Variants in VCAN observed in about 807,000 individuals in gnomAD.
The protein encoded by VCAN is versican.
Under a neutral mutation model 245.5 loss-of-function variants are expected in VCAN, and 44 were observed. The ratio of observed to expected loss-of-function variants is 0.18; its 90% CI spans 0.14 to 0.23. VCAN has a LOEUF of 0.23. Ranked by LOEUF, VCAN falls within the 10% of genes least tolerant of loss-of-function variation. VCAN has a pLI of 1.00. For missense variants in VCAN, 3,793 were observed against 4,057.9 expected (o/e 0.93, Z 1.77); for synonymous variants, 1,413 against 1,437.0 (o/e 0.98, Z 0.38).
chr5:83,484,668 A>G (rs778461220), intron 2 of VCAN, among the ~76,000 whole-genome samples: 1 of 152,186 alleles, frequency 6.6e-6, no homozygotes, highest in African/African-American at 2.4e-5. Flanking sequence ...ATACCCATGG[A>G]TGACTCATAA....
rs1287784350 is a variant in VCAN, at chr5:83,521,903, C to G, written c.3597C>G (p.Ile1199Met). 6.2e-7 allele frequency: 1 copy of G among 1,614,174 alleles called. No individual in the cohort carries two copies. Among genetic ancestry groups the G allele is most frequent in the East Asian group, 2.2e-5 (1 of 44,886 alleles). Residue 1199 changes from isoleucine (I) to methionine (M), a missense_variant, in exon 7 of 15, where the codon ATC becomes ATG. By Grantham distance (10) the Ile-to-Met change is conservative. Transcript: ENST00000265077. Reference sequence around the variant, plus strand: ...CAGAACTCATAGAATTTTCAACAATCAAAGTCACAGTTCCAAGTGATATTA... The same window carrying G: ...CAGAACTCATAGAATTTTCAACAATGAAAGTCACAGTTCCAAGTGATATTA... ...KATELIEFST[I>M]KVTVPSDITT... is the part of the protein sequence containing the mutation.
chr5:83,514,415 T>G (rs912577502), intron 6 of VCAN, among the ~76,000 whole-genome samples: 1 of 150,410 alleles, frequency 6.6e-6, no homozygotes, highest in African/African-American at 2.5e-5. Context: ...TTTCAAAAAA[T>G]TTTTTAGTGT....
At chr5:83,500,291 T>C (rs989926374) in intron 5 of VCAN, among the ~76,000 whole-genome samples, 2 of 152,184 alleles carry the variant, frequency 1.3e-5, no homozygotes, top group Non-Finnish European at 2.9e-5. Context: ...TGCTAAAAAC[T>C]TTTTAATTAT....
At chr5:83,496,866 C>A (rs1288958608) in intron 5 of VCAN, among the ~76,000 whole-genome samples, 3 of 152,082 alleles carry the variant, frequency 2.0e-5, no homozygotes, top group Non-Finnish European at 4.4e-5. Flanking sequence ...ATAAAAAATT[C>A]TTGTGGAAAG....
At position 83,520,190 on chromosome 5, in the gene VCAN, T is replaced by G. The variant is rs772266952; in HGVS notation, c.1884T>G (p.Ser628Arg). Residue 628 changes from serine to arginine, a missense_variant, in exon 7 of 15, where the codon AGT (serine) becomes AGG (arginine). Transcript: ENST00000265077. Reference protein sequence around the residue: ...SMDDWEERQTSGRITEEFLGK... With the variant: ...SMDDWEERQTRGRITEEFLGK... ...ATGACTGGGAAGAGAGACAAACTAG[T>G]GGTAGGATAACGGAAGAGTTTCTTG... 1 of 1,614,046 alleles carries G rather than the reference T, an allele frequency of 6.2e-7. No individual in the cohort carries two copies. The highest frequency in any genetic ancestry group is 8.5e-7 in the Non-Finnish European group (1 of 1,179,968).
chr5:83,526,658 C>T (rs1746313103), intron 7 of VCAN, among the ~76,000 whole-genome samples: 1 of 152,198 alleles, frequency 6.6e-6, no homozygotes, highest in Non-Finnish European at 1.5e-5. Flanking sequence ...GTCTGATTAT[C>T]TATATCTTTA....
In VCAN at chr5:83,519,508, T is replaced by C. The variant is rs762446265; in HGVS notation, c.1202T>C (p.Ile401Thr). 1 of 1,614,134 alleles carries C rather than the reference T, an allele frequency of 6.2e-7. No individual in the cohort carries two copies. Among genetic ancestry groups the C allele is most frequent in the Admixed American group, 1.7e-5 (1 of 60,010 alleles). The change falls in exon 7 of 15, where the codon ATT becomes ACT. Residue 401 changes from isoleucine to threonine, a missense_variant. Ile to Thr is a moderately conservative substitution (Grantham distance 89, BLOSUM62 -1). This residue lies in a region of VCAN where 3,182 missense variants were observed against 3,250.3 expected (regional missense o/e 0.98). Coordinates refer to ENST00000265077, the MANE Select transcript of VCAN (RefSeq NM_004385.5). ...ACAGAGTTCCCTCCCGTGGGAAATA[T>C]TGTCAGTTTTGAACAGAAAGCCACA... ...IPTEFPPVGN[I>T]VSFEQKATVQ...
Position 83,522,377 on chromosome 5 carries a change from GA to G in VCAN, c.4003+75del, listed in dbSNP as rs146101985. On this transcript the variant is annotated intron_variant, in intron 7 of 14. Coordinates refer to ENST00000265077, the MANE Select transcript of VCAN (RefSeq NM_004385.5). Reference sequence around the variant, plus strand: ...TTTTATCTTGAAAGTTACTTTTGGGGAAAAAAAGTCAACATACCAAATGCTG... The same window carrying G: ...TTTTATCTTGAAAGTTACTTTTGGGGAAAAAAGTCAACATACCAAATGCTG... 0.015 allele frequency: 23,004 copies of G among 1,552,640 alleles called. 1,148 individuals carry two copies. The East Asian group carries it at 0.15, about 10-fold the overall frequency.
chr5:83,522,090 AC>A lies in VCAN; in HGVS notation c.3787del (p.Glu1264LysfsTer4). 1 of 1,614,156 alleles carries A rather than the reference AC, an allele frequency of 6.2e-7. No individual in the cohort carries two copies. Among genetic ancestry groups the A allele is most frequent in the Non-Finnish European group, 8.5e-7 (1 of 1,180,028 alleles). ...ATCAACATCTCATGTTCCTCCCACT[AC>A]CCTTGAAGATATTGTAGCCAAGGAA... ...GESTSHVPPT[T>X]LEDIVAKETE... On this transcript the variant is annotated frameshift_variant, in exon 7 of 15. Transcript: ENST00000265077. LOFTEE classifies it high-confidence loss of function.
intron 13 of VCAN, 75 bp from the exon 14 acceptor site, chr5:83,579,903 AAG>A (rs992545940): frequency 3.4e-6 from 5 of 1,491,294 alleles, no homozygotes; most frequent in African/African-American, 1.4e-5. Flanking sequence ...ACCATAAAGA[AAG>A]AGAGAAAAAT....
Position 83,502,688 on chromosome 5 carries a change from C to A in VCAN, c.748+8757C>A, listed in dbSNP as rs187556665. ...TAACACATTTGCAAATATGCAGATG[C>A]ATTTTCAAATGAATATAATCTGATT... On this transcript the variant is annotated intron_variant, in intron 5 of 14. Transcript: ENST00000265077. 2.7e-3 allele frequency among the ~76,000 whole-genome samples: 416 copies of A among 152,298 alleles called. 1 individual carries two copies. Among genetic ancestry groups the A allele is most frequent in the African/African-American group, 9.6e-3 (401 of 41,566 alleles).
At position 83,521,105 on chromosome 5, in the gene VCAN, C is replaced by T. The variant is rs1188337458; in HGVS notation, c.2799C>T (p.Leu933=). ...TGGGTGAAGTAGAAGATGTGGACCT[C>T]TCTAAGCCAGTATCTACTGTTCCCC... The part of the protein sequence containing the change: ...SALGEVEDVD[L]SKPVSTVPQF... The change falls in exon 7 of 15, where the codon CTC becomes CTT. Residue 933 remains leucine (L), a synonymous_variant. Coordinates refer to ENST00000265077, the MANE Select transcript of VCAN (RefSeq NM_004385.5). 8 of 1,614,164 alleles carry T rather than the reference C, an allele frequency of 5.0e-6. No individual in the cohort carries two copies. The Admixed American group carries it at 5.0e-5, about 10-fold the overall frequency.
At chr5:83,472,721 C>T (rs1744239702) in intron 1 of VCAN, among the ~76,000 whole-genome samples, 1 of 152,160 alleles carries the variant, frequency 6.6e-6, no homozygotes, top group Admixed American at 6.5e-5. Context: ...CCCGGCGCCC[C>T]TGGGTTCTTT....
At chr5:83,506,351 T>A (rs1745483400) in intron 5 of VCAN, among the ~76,000 whole-genome samples, 2 of 152,168 alleles carry the variant, frequency 1.3e-5, no homozygotes, top group Admixed American at 1.3e-4. Flanking sequence ...AGAAATTTCT[T>A]CCACCACATA....
At chr5:83,564,286 A>G (rs1280548026) in intron 12 of VCAN, among the ~76,000 whole-genome samples, 1 of 152,174 alleles carries the variant, frequency 6.6e-6, no homozygotes, top group Non-Finnish European at 1.5e-5. Context: ...CCGTTAATTC[A>G]TAATGTAAGA....
chr5:83,478,462 A>G (rs566947279), intron 1 of VCAN, among the ~76,000 whole-genome samples: 1 of 152,266 alleles, frequency 6.6e-6, no homozygotes, highest in East Asian at 1.9e-4. Flanking sequence ...ATGGATGGAT[A>G]TTGGTACCAA....
intron 6 of VCAN, 22 bp from the exon 7 acceptor site, chr5:83,519,327 C>T (rs780171552): frequency 2.5e-6 from 4 of 1,612,900 alleles, no homozygotes; most frequent in Non-Finnish European, 1.7e-6. Flanking sequence ...GTCTAATCAA[C>T]TCTTTGAAAT....
Position 83,521,548 on chromosome 5 carries a change from T to G in VCAN, c.3242T>G (p.Leu1081Trp). The G allele has an allele frequency of 3.1e-6, 5 of 1,614,036 alleles. No individual in the cohort carries two copies. The highest frequency in any genetic ancestry group is 4.2e-6 in the Non-Finnish European group (5 of 1,180,006). ...TATACAGTCTCTGAAGATGAATTGT[T>G]GACAGGTTCTGAGAGGGTCCCAGTT... ...SAYTVSEDEL[L>W]TGSERVPVLE... Residue 1081 changes from leucine (L) to tryptophan (W), a missense_variant, in exon 7 of 15, where the codon TTG becomes TGG. Physicochemically the swap from Leu to Trp is moderately conservative, Grantham distance 61. Around this residue, in one of 5 missense-constraint regions of VCAN, gnomAD observed 3,182 missense variants for 3,250.3 expected, o/e 0.98. Coordinates refer to ENST00000265077, the MANE Select transcript of VCAN (RefSeq NM_004385.5).
chr5:83,521,931 A>G lies in VCAN; in HGVS notation c.3625A>G (p.Thr1209Ala), dbSNP rs1746120852. The G allele has an allele frequency of 1.2e-6, 2 of 1,614,168 alleles. No individual in the cohort carries two copies. Among genetic ancestry groups the G allele is most frequent in the Non-Finnish European group, 1.7e-6 (2 of 1,180,032 alleles). ...AGTCACAGTTCCAAGTGATATTACCACTGCCTTCAGTTCAGTAGACAGACT... is the reference window on the plus strand; with the variant it reads ...AGTCACAGTTCCAAGTGATATTACCGCTGCCTTCAGTTCAGTAGACAGACT... ...IKVTVPSDITTAFSSVDRLHT... is the reference protein window; with the variant it reads ...IKVTVPSDITAAFSSVDRLHT... Residue 1209 changes from threonine to alanine, a missense_variant, in exon 7 of 15, where the codon ACT (threonine) becomes GCT (alanine). Physicochemically the swap from Thr to Ala is moderately conservative, Grantham distance 58. This residue lies in a region of VCAN where 3,182 missense variants were observed against 3,250.3 expected (regional missense o/e 0.98). Coordinates refer to ENST00000265077, the MANE Select transcript of VCAN (RefSeq NM_004385.5).
Sources: gnomAD v4.1 joint callset for allele counts (sites outside exome capture counted in the v4.1 genomes callset) on GRCh38, gnomAD v4.1.1 for gene constraint, gnomAD v4.1.1 regional missense constraint, MANE v1.5 for transcripts, NCBI Gene and HGNC (gene_info 2026-07-23, HGNC 2026-07-21) for gene names.